The following C12orf42 variants were observed in gnomAD, a reference collection of about 807,000 sequenced individuals.
C12orf42 encodes uncharacterized protein C12orf42.
A neutral mutation model predicts 21.6 loss-of-function variants in C12orf42; 25 were observed. The ratio of observed to expected loss-of-function variants is 1.16; its 90% CI spans 0.84 to 1.62. The LOEUF is 1.62. Among genes scored for constraint, C12orf42 ranks in the 40% most tolerant of loss-of-function variants. C12orf42 has a pLI of 0.00. For synonymous variants in C12orf42, 174 were observed against 175.0 expected (o/e 0.99, Z 0.05); for missense variants, 483 against 459.3 (o/e 1.05, Z -0.47).
At chr12:103,205,884 G>A in the C12orf42 span, among the ~76,000 whole-genome samples, 3 of 152,200 alleles carry the variant, frequency 2.0e-5, no homozygotes, top group South Asian at 6.2e-4. Flanking sequence ...TACATAAGAG[G>A]CATATGTAAG....
the C12orf42 span, among the ~76,000 whole-genome samples, chr12:103,224,805 A>T: frequency 6.6e-6 from 1 of 152,216 alleles, no homozygotes; most frequent in Non-Finnish European, 1.5e-5. Flanking sequence ...AGTAAGGTCA[A>T]GTTGTTTGCA....
At chr12:103,189,294 G>A in the C12orf42 span, among the ~76,000 whole-genome samples, 1 of 152,162 alleles carries the variant, frequency 6.6e-6, no homozygotes, top group Non-Finnish European at 1.5e-5. Context: ...ATGCTTTAAG[G>A]AGAGCAAGTA....
chr12:103,245,238 G>A (rs1366936221), intron 10 of C12orf42, among the ~76,000 whole-genome samples: 1 of 152,090 alleles, frequency 6.6e-6, no homozygotes, highest in African/African-American at 2.4e-5. Context: ...AAAGATAAAT[G>A]AACACAAGCT....
intron 10 of C12orf42, among the ~76,000 whole-genome samples, chr12:103,241,733 T>C (rs1372356016): frequency 6.6e-6 from 1 of 152,130 alleles, no homozygotes; most frequent in Non-Finnish European, 1.5e-5. Context: ...AGTAAGACAC[T>C]TTGTAAGGCA....
the C12orf42 span, among the ~76,000 whole-genome samples, chr12:103,176,768 T>A: frequency 3.3e-5 from 5 of 152,170 alleles, no homozygotes; most frequent in Non-Finnish European, 5.9e-5. Context: ...CAAAGTCCAA[T>A]CTGGCAACCA....
chr12:103,462,170 C>T (rs1450488791), intron 2 of C12orf42, among the ~76,000 whole-genome samples: 1 of 119,774 alleles, frequency 8.3e-6, no homozygotes, highest in Admixed American at 1.1e-4. Context: ...TGCAATGGTG[C>T]GATCTCCACT....
downstream of C12orf42, among the ~76,000 whole-genome samples, chr12:103,301,200 A>T (rs7133233): frequency 3.9e-5 from 6 of 152,166 alleles, no homozygotes; most frequent in South Asian, 6.2e-4. Context: ...AATTTTTTTT[A>T]AATGCAGTAA....
At chr12:103,459,989 A>G (rs543730208) in intron 2 of C12orf42, among the ~76,000 whole-genome samples, 23 of 152,154 alleles carry the variant, frequency 1.5e-4, no homozygotes, top group South Asian at 6.2e-4. Flanking sequence ...GCCTCCTCCT[A>G]TATTGCACCC....
chr12:103,054,766 C>T, the C12orf42 span, among the ~76,000 whole-genome samples: 1 of 151,858 alleles, frequency 6.6e-6, no homozygotes, highest in Non-Finnish European at 1.5e-5. Flanking sequence ...TCCTATCTTT[C>T]TGAGAGTTTT....
chr12:103,394,305 A>C (rs1028357469), intron 3 of C12orf42, among the ~76,000 whole-genome samples: 5 of 152,204 alleles, frequency 3.3e-5, no homozygotes, highest in Non-Finnish European at 5.9e-5. Flanking sequence ...GCCTTTCTGT[A>C]CAAATCTAAC....
At chr12:103,221,694 A>G in the C12orf42 span, among the ~76,000 whole-genome samples, 1 of 152,206 alleles carries the variant, frequency 6.6e-6, no homozygotes, top group African/African-American at 2.4e-5. Context: ...CTCTGGCTCT[A>G]GCACTACCTC....
At chr12:103,448,098 C>T (rs10778252) in intron 2 of C12orf42, among the ~76,000 whole-genome samples, 92,566 of 151,798 alleles carry the variant, frequency 0.61, 29,585 homozygotes, top group Admixed American at 0.72. Flanking sequence ...AATAGGCACA[C>T]AGACCAATGG....
chr12:103,104,466 G>C, the C12orf42 span, among the ~76,000 whole-genome samples: 44 of 152,240 alleles, frequency 2.9e-4, 2 homozygotes, highest in South Asian at 8.5e-3. Context: ...TTTTGAGATG[G>C]AGTCTCACTC....
chr12:103,148,913 C>T, the C12orf42 span, among the ~76,000 whole-genome samples: 86 of 152,256 alleles, frequency 5.6e-4, no homozygotes, highest in African/African-American at 1.9e-3. Context: ...CATTATAACT[C>T]ATGAAGGAAT....
At chr12:103,226,461 G>A in the C12orf42 span, among the ~76,000 whole-genome samples, 2 of 152,178 alleles carry the variant, frequency 1.3e-5, no homozygotes, top group Non-Finnish European at 2.9e-5. Context: ...GCTGCCAAAC[G>A]AGCCATGAAC....
chr12:103,438,943 T>A (rs929188382), intron 2 of C12orf42, among the ~76,000 whole-genome samples: 2 of 152,044 alleles, frequency 1.3e-5, no homozygotes, highest in Non-Finnish European at 2.9e-5. Context: ...AGAGCCCGCA[T>A]CGCCAAGGCA....
At chr12:103,495,172 A>G (rs1955438200) in intron 1 of C12orf42, among the ~76,000 whole-genome samples, 1 of 149,226 alleles carries the variant, frequency 6.7e-6, no homozygotes. Context: ...GGAGCGCTGA[A>G]GGAGGGGTTA....
At chr12:103,435,681 C>T (rs892217155) in intron 2 of C12orf42, among the ~76,000 whole-genome samples, 13 of 150,836 alleles carry the variant, frequency 8.6e-5, no homozygotes, top group South Asian at 2.1e-4. Context: ...TGAAATGAAG[C>T]GAGAAGGGAA....
the C12orf42 span, among the ~76,000 whole-genome samples, chr12:103,143,272 T>A: frequency 2.0e-5 from 3 of 152,210 alleles, no homozygotes; most frequent in Non-Finnish European, 4.4e-5. Flanking sequence ...AGTTCAATGC[T>A]CACTAAATGG....
Sources: allele counts gnomAD v4.1 joint callset (sites outside exome capture counted in the v4.1 genomes callset), GRCh38; gene constraint gnomAD v4.1.1; transcripts MANE v1.5; gene names NCBI Gene and HGNC (gene_info 2026-07-23, HGNC 2026-07-21).